PTCSC3: variants seen among roughly 807,000 people sequenced by gnomAD.
The protein encoded by PTCSC3 is papillary thyroid carcinoma susceptibility candidate 3 (non-protein coding).
At chr14:36,174,484 TTTTTA>T (rs1013795708) in intron 1 of PTCSC3, among the ~76,000 whole-genome samples, 2 of 152,202 alleles carry the variant, frequency 1.3e-5, no homozygotes, top group African/African-American at 4.8e-5. Context: ...TTTAATGTGA[TTTTTA>T]TTTGTATGTC....
At chr14:36,176,250 A>G (rs759129550) in intron 1 of PTCSC3, 1 of 152,040 alleles carries the variant, frequency 6.6e-6, no homozygotes, top group Non-Finnish European at 1.5e-5. Context: ...ACCCAGCTGA[A>G]ATGCCATTAT....
At chr14:36,162,786 C>T (rs952472954) in intron 1 of PTCSC3, 2 of 152,136 alleles carry the variant, frequency 1.3e-5, no homozygotes, top group African/African-American at 2.4e-5. Context: ...GGGGAAAATG[C>T]TAAGAAAATA....
intron 2 of PTCSC3, among the ~76,000 whole-genome samples, chr14:36,155,834 T>C (rs1304596875): frequency 6.6e-6 from 1 of 152,208 alleles, no homozygotes; most frequent in African/African-American, 2.4e-5. Context: ...TTAATATTCA[T>C]ATTGAGAAAA....
intron 3 of PTCSC3, among the ~76,000 whole-genome samples, chr14:36,146,227 C>G (rs993763178): frequency 6.8e-6 from 1 of 146,168 alleles, no homozygotes; most frequent in Non-Finnish European, 1.5e-5. Context: ...TGTTAACTTT[C>G]TGTCTCGTTG....
intron 1 of PTCSC3, among the ~76,000 whole-genome samples, chr14:36,173,128 T>C (rs1387092187): frequency 1.3e-5 from 2 of 152,192 alleles, no homozygotes; most frequent in Non-Finnish European, 2.9e-5. Flanking sequence ...TATCTATTTA[T>C]AGCAAAATTA....
At chr14:36,158,259 T>G (rs1407228789) in intron 2 of PTCSC3, among the ~76,000 whole-genome samples, 1 of 152,210 alleles carries the variant, frequency 6.6e-6, no homozygotes, top group Non-Finnish European at 1.5e-5. Flanking sequence ...TTTTCTTGCC[T>G]GATTGCCCTG....
At chr14:36,155,627 G>A (rs141308500) in intron 2 of PTCSC3, among the ~76,000 whole-genome samples, 130 of 152,068 alleles carry the variant, frequency 8.5e-4, no homozygotes, top group African/African-American at 2.7e-3. Context: ...ACCGATCTGC[G>A]CAACTGAGTC....
At chr14:36,162,272 A>AC (rs1449331183) in intron 2 of PTCSC3, among the ~76,000 whole-genome samples, 3 of 150,674 alleles carry the variant, frequency 2.0e-5, no homozygotes, top group South Asian at 2.1e-4. Flanking sequence ...AAAAAAAAAA[A>AC]AAAAAAAAAA....
intron 3 of PTCSC3, among the ~76,000 whole-genome samples, chr14:36,147,266 T>G (rs1316845737): frequency 6.6e-6 from 1 of 152,220 alleles, no homozygotes. Context: ...GTTTTCCAAT[T>G]TGGTTCCATT....
At chr14:36,158,178 A>T (rs142350935) in intron 2 of PTCSC3, among the ~76,000 whole-genome samples, 60 of 152,204 alleles carry the variant, frequency 3.9e-4, no homozygotes, top group Non-Finnish European at 5.3e-4. Context: ...TTTTCTAAAT[A>T]TACAATCATG....
chr14:36,145,903 C>A (rs898139544), intron 3 of PTCSC3, among the ~76,000 whole-genome samples: 1 of 150,270 alleles, frequency 6.7e-6, no homozygotes, highest in Non-Finnish European at 1.5e-5. Context: ...TTATTTCTGC[C>A]TTCATTTTGT....
At chr14:36,157,743 C>CT (rs1242416733) in intron 2 of PTCSC3, among the ~76,000 whole-genome samples, 1 of 151,870 alleles carries the variant, frequency 6.6e-6, no homozygotes, top group African/African-American at 2.4e-5. Flanking sequence ...ATAATGGGCT[C>CT]TTTTTTTGGT....
At chr14:36,154,927 G>C (rs996170705) in intron 2 of PTCSC3, among the ~76,000 whole-genome samples, 6 of 152,248 alleles carry the variant, frequency 3.9e-5, no homozygotes, top group African/African-American at 1.4e-4. Context: ...TTTTTTCTGT[G>C]ACATCTTCCC....
chr14:36,135,915 GTA>G (rs1566500368), downstream of PTCSC3, among the ~76,000 whole-genome samples: 105 of 148,536 alleles, frequency 7.1e-4, no homozygotes, highest in South Asian at 0.012. Flanking sequence ...GTGTGTGTGT[GTA>G]TATGTGTGTG....
At chr14:36,159,081 T>C (rs1163591950) in intron 2 of PTCSC3, among the ~76,000 whole-genome samples, 1 of 152,184 alleles carries the variant, frequency 6.6e-6, no homozygotes, top group African/African-American at 2.4e-5. Flanking sequence ...TTTGTATTTC[T>C]GTGGGATCAG....
chr14:36,171,819 C>A (rs1335577949), intron 1 of PTCSC3, among the ~76,000 whole-genome samples: 1 of 152,106 alleles, frequency 6.6e-6, no homozygotes, highest in Non-Finnish European at 1.5e-5. Context: ...GATCTACTGA[C>A]CTTCTCCCTC....
intron 2 of PTCSC3, among the ~76,000 whole-genome samples, chr14:36,161,081 G>T (rs760771067): frequency 5.1e-4 from 78 of 152,146 alleles, no homozygotes; most frequent in South Asian, 1.2e-3. Flanking sequence ...TGTCATTTAT[G>T]TTCTTCTCTA....
At chr14:36,157,694 C>G (rs1419545605) in intron 2 of PTCSC3, among the ~76,000 whole-genome samples, 1 of 151,970 alleles carries the variant, frequency 6.6e-6, no homozygotes, top group African/African-American at 2.4e-5. Flanking sequence ...TAGTGTGATG[C>G]CCCCAGCTTT....
At chr14:36,147,099 T>A (rs1401628960) in intron 3 of PTCSC3, among the ~76,000 whole-genome samples, 1 of 152,190 alleles carries the variant, frequency 6.6e-6, no homozygotes, top group Non-Finnish European at 1.5e-5. Flanking sequence ...CTTAACATTT[T>A]TTCCTTCATT....
Sources: gnomAD v4.1 joint callset for allele counts (sites outside exome capture counted in the v4.1 genomes callset) on GRCh38, gnomAD v4.1.1 for gene constraint, MANE v1.5 for transcripts, NCBI Gene and HGNC (gene_info 2026-07-23, HGNC 2026-07-21) for gene names.